The following UBE2D2 variants were observed in gnomAD, a reference collection of about 807,000 sequenced individuals.
UBE2D2 encodes ubiquitin-conjugating enzyme E2 D2.
Under a neutral mutation model 24.2 loss-of-function variants are expected in UBE2D2, and 2 were observed. The ratio of observed to expected loss-of-function variants is 0.08; its 90% confidence interval spans 0.03 to 0.26. UBE2D2 has a LOEUF of 0.26. UBE2D2 is among the 10% of genes least tolerant of loss of function. The pLI is 1.00. For missense variants in UBE2D2, 44 were observed against 177.6 expected, an observed-to-expected ratio of 0.25 and a Z score of 4.28; for synonymous variants, 58 against 56.5, an observed-to-expected ratio of 1.03 and a Z score of -0.12.
At chr5:139,604,284 A>C (rs576712044) in intron 2 of UBE2D2, among the ~76,000 whole-genome samples, 2 of 151,702 alleles carry the variant, frequency 1.3e-5, no homozygotes, top group South Asian at 4.2e-4. Flanking sequence ...GATTATAGGC[A>C]CGTGCCCCGC....
At chr5:139,558,996 T>C, upstream of UBE2D2, among the ~76,000 whole-genome samples, 1 of 151,936 alleles carries the variant, frequency 6.6e-6, no homozygotes, top group East Asian at 1.9e-4. Flanking sequence ...AGAGATGAAG[T>C]CTCTATATTG....
chr5:139,530,274 A>G (rs1299792772), intron 1 of UBE2D2, among the ~76,000 whole-genome samples: 1 of 152,198 alleles, frequency 6.6e-6, no homozygotes, highest in Non-Finnish European at 1.5e-5. Flanking sequence ...CACAGAGCTT[A>G]TGCTAAGCTG....
In UBE2D2 at chr5:139,626,930, T is replaced by G; in HGVS notation, c.*129T>G. The G allele has an allele frequency of 1.4e-6, 1 of 715,834 alleles. No homozygotes were observed. Among genetic ancestry groups the G allele is most frequent in the Non-Finnish European group, 2.4e-6 (1 of 422,502 alleles). 44.3% of individuals were successfully genotyped at this position (715,834 alleles called of 1,614,324 possible). A position where few individuals can be genotyped will look rare whatever the true frequency, so the allele number is the denominator to read the frequency against. On this transcript the variant is annotated 3_prime_UTR_variant, in exon 7 of 7. Coordinates refer to ENST00000398733, the MANE Select transcript of UBE2D2 (RefSeq NM_003339.3). Reference sequence around the variant, plus strand: ...ATCTTCCCCTGTGCACATGTTTACCTGATACAGCAGTGCTGCGTGTTGTAC... The same window carrying G: ...ATCTTCCCCTGTGCACATGTTTACCGGATACAGCAGTGCTGCGTGTTGTAC...
At chr5:139,612,790 G>T (rs1332813600) in intron 2 of UBE2D2, among the ~76,000 whole-genome samples, 1 of 152,192 alleles carries the variant, frequency 6.6e-6, no homozygotes, top group African/African-American at 2.4e-5. Flanking sequence ...GCATGTGCGT[G>T]TGTGTGTTTT....
At chr5:139,544,354 C>T (rs1752797922) in intron 1 of UBE2D2, among the ~76,000 whole-genome samples, 1 of 150,986 alleles carries the variant, frequency 6.6e-6, no homozygotes. Context: ...ATGGCGCGAT[C>T]TCGGATCACC....
intron 1 of UBE2D2, among the ~76,000 whole-genome samples, chr5:139,528,946 C>T (rs1334369596): frequency 2.0e-5 from 3 of 152,116 alleles, no homozygotes; most frequent in Non-Finnish European, 2.9e-5. Flanking sequence ...TCCAGTCACA[C>T]CCGGAAGCTG....
chr5:139,558,860 G>C (rs556131089), upstream of UBE2D2, among the ~76,000 whole-genome samples: 1,176 of 151,934 alleles, frequency 7.7e-3, 8 homozygotes, highest in Middle Eastern at 0.041. Flanking sequence ...AGGTGCAGTG[G>C]AACCACCACG....
chr5:139,624,972 A>AAGT (rs1161655542), intron 6 of UBE2D2, among the ~76,000 whole-genome samples: 1 of 152,142 alleles, frequency 6.6e-6, no homozygotes, highest in Non-Finnish European at 1.5e-5. Context: ...TGCTTACCAG[A>AAGT]AGTCATTTCC....
At chr5:139,571,681 A>G (rs745310171) in intron 1 of UBE2D2, among the ~76,000 whole-genome samples, 8 of 151,922 alleles carry the variant, frequency 5.3e-5, no homozygotes, top group Non-Finnish European at 1.2e-4. Context: ...ATCTCTAGAG[A>G]AGCTTTACTT....
intron 2 of UBE2D2, among the ~76,000 whole-genome samples, chr5:139,604,706 A>G (rs1396843190): frequency 6.6e-6 from 1 of 151,984 alleles, no homozygotes; most frequent in Non-Finnish European, 1.5e-5. Flanking sequence ...GCAACAAAGC[A>G]AGACCCCATC....
chr5:139,532,660 T>C (rs980932792), intron 1 of UBE2D2, among the ~76,000 whole-genome samples: 1 of 152,072 alleles, frequency 6.6e-6, no homozygotes, highest in Admixed American at 6.6e-5. Context: ...CTAGTTTTTG[T>C]ATATCTAGTA....
upstream of UBE2D2, chr5:139,561,185 T>A (rs369027669): frequency 6.6e-6 from 1 of 152,638 alleles, no homozygotes; most frequent in Non-Finnish European, 1.5e-5. Flanking sequence ...CGTCACGCCC[T>A]CCGGGGCCGT....
chr5:139,609,216 A>G (rs1365050905), intron 2 of UBE2D2, among the ~76,000 whole-genome samples: 1 of 152,168 alleles, frequency 6.6e-6, no homozygotes, highest in Non-Finnish European at 1.5e-5. Context: ...TAAATGGTTA[A>G]TGGAAAATTT....
intron 2 of UBE2D2, among the ~76,000 whole-genome samples, chr5:139,611,757 G>C (rs1299798698): frequency 6.6e-6 from 1 of 152,216 alleles, no homozygotes; most frequent in South Asian, 2.1e-4. Flanking sequence ...CTTGTTCACC[G>C]AAATAGTTTG....
At chr5:139,626,712 G>A (rs1320709547) in intron 6 of UBE2D2, 44 bp from the exon 7 acceptor site, 1 of 1,543,854 alleles carries the variant, frequency 6.5e-7, no homozygotes, top group Non-Finnish European at 9.0e-7. Context: ...GTTGCTTACT[G>A]ACTCCACACC....
chr5:139,603,647 G>T (rs1355622632), intron 2 of UBE2D2, among the ~76,000 whole-genome samples: 2 of 108,992 alleles, frequency 1.8e-5, no homozygotes, highest in Non-Finnish European at 3.8e-5. Flanking sequence ...AAAAAAAAAA[G>T]GCTGGGTGTG....
chr5:139,564,458 CTT>C (rs919205121), intron 1 of UBE2D2, among the ~76,000 whole-genome samples: 3 of 137,290 alleles, frequency 2.2e-5, no homozygotes, highest in Non-Finnish European at 4.7e-5. Context: ...CCGGCCTGAA[CTT>C]TTTTTTTTTT....
At chr5:139,592,316 C>G (rs1219881871) in intron 1 of UBE2D2, among the ~76,000 whole-genome samples, 1 of 152,152 alleles carries the variant, frequency 6.6e-6, no homozygotes, top group Non-Finnish European at 1.5e-5. Flanking sequence ...GCTTTCCCCT[C>G]AAATCTTCTT....
chr5:139,529,482 A>C (rs1173099709), intron 1 of UBE2D2, among the ~76,000 whole-genome samples: 1 of 152,204 alleles, frequency 6.6e-6, no homozygotes, highest in Non-Finnish European at 1.5e-5. Context: ...TATTTATGCG[A>C]GATGTGTCAA....
Sources: allele counts gnomAD v4.1 joint callset (sites outside exome capture counted in the v4.1 genomes callset), GRCh38; gene constraint gnomAD v4.1.1; transcripts MANE v1.5; gene names NCBI Gene and HGNC (gene_info 2026-07-23, HGNC 2026-07-21).